Variants in MEP1A observed in about 807,000 individuals in gnomAD.
MEP1A encodes the protein N-benzoyl-L-tyrosyl-P-amino-benzoic acid hydrolase subunit alpha.
Under a neutral mutation model 84.5 loss-of-function variants are expected in MEP1A, and 68 were observed. The ratio of observed to expected loss-of-function variants is 0.80; its 90% CI spans 0.66 to 0.98. The LOEUF (loss-of-function observed/expected upper bound fraction) is 0.98, where lower values mean the gene tolerates loss of function less well. Ranked by LOEUF, MEP1A falls within the 50% of genes least tolerant of loss-of-function variation. The probability of loss-of-function intolerance (pLI) is 0.00; values close to 1 mark genes in which losing one functional copy is unlikely to be tolerated. For synonymous variants in MEP1A, 337 were observed against 336.8 expected (o/e 1.00, Z -0.01); for missense variants, 887 against 919.9 (o/e 0.96, Z 0.46).
chr6:46,796,815 C>T (rs1767058960), intron 3 of MEP1A, among the ~76,000 whole-genome samples: 1 of 152,172 alleles, frequency 6.6e-6, no homozygotes, highest in Non-Finnish European at 1.5e-5. Flanking sequence ...CCCTCAATCC[C>T]ATTATAATCC....
intron 7 of MEP1A, among the ~76,000 whole-genome samples, chr6:46,824,885 TA>T (rs1282243535): frequency 4.6e-4 from 29 of 63,156 alleles, no homozygotes; most frequent in African/African-American, 3.7e-3. Context: ...TATTTAAATA[TA>T]TATAAATTAT....
At chr6:46,805,293 C>T (rs1450315536) in intron 5 of MEP1A, among the ~76,000 whole-genome samples, 1 of 151,892 alleles carries the variant, frequency 6.6e-6, no homozygotes, top group Non-Finnish European at 1.5e-5. Flanking sequence ...GTTTCGTTTA[C>T]TCCATGCCTT....
At chr6:46,821,578 C>T (rs1261903894) in intron 7 of MEP1A, among the ~76,000 whole-genome samples, 3 of 152,168 alleles carry the variant, frequency 2.0e-5, no homozygotes, top group Non-Finnish European at 4.4e-5. Flanking sequence ...TGCCTGTAAG[C>T]CTCAATTTCT....
At chr6:46,812,544 G>C (rs1481982903) in intron 6 of MEP1A, among the ~76,000 whole-genome samples, 1 of 151,700 alleles carries the variant, frequency 6.6e-6, no homozygotes, top group Non-Finnish European at 1.5e-5. Flanking sequence ...CTCCAATTCT[G>C]TGTGGTGTAA....
At chr6:46,828,819 G>C (rs941183990) in intron 9 of MEP1A, among the ~76,000 whole-genome samples, 10 of 152,194 alleles carry the variant, frequency 6.6e-5, no homozygotes, top group Middle Eastern at 6.8e-3. Flanking sequence ...AATGTGTCCT[G>C]AATAGCCCTT....
chr6:46,837,705 G>C (rs527297580), intron 13 of MEP1A, among the ~76,000 whole-genome samples: 31 of 152,142 alleles, frequency 2.0e-4, no homozygotes, highest in Non-Finnish European at 4.3e-4. Context: ...GCTGAGAGTT[G>C]GCAGAATAAG....
Position 46,826,443 on chromosome 6 carries a change from G to GCCCA in MEP1A, c.869_872dup (p.Gln292ProfsTer59). 1 of 1,608,796 alleles carries GCCCA rather than the reference G, an allele frequency of 6.2e-7. No homozygotes were observed. Among genetic ancestry groups the GCCCA allele is most frequent in the Non-Finnish European group, 8.5e-7 (1 of 1,177,516 alleles). ...GGGCACCAGAGATGACACTGACTGG[G>GCCCA]CCCATCAGGACAGTGCTCAGGCTGG... On this transcript the variant is annotated frameshift_variant, in exon 9 of 14. Coordinates refer to ENST00000230588, the MANE Select transcript of MEP1A (RefSeq NM_005588.3). LOFTEE classifies it high-confidence loss of function.
chr6:46,808,841 C>A (rs984160440), intron 5 of MEP1A, among the ~76,000 whole-genome samples: 1 of 152,058 alleles, frequency 6.6e-6, no homozygotes, highest in Non-Finnish European at 1.5e-5. Context: ...TCCCAGGCAT[C>A]TGGCTGGGAA....
chr6:46,836,734 T>G (rs1023242951), intron 13 of MEP1A, among the ~76,000 whole-genome samples: 1 of 152,136 alleles, frequency 6.6e-6, no homozygotes, highest in African/African-American at 2.4e-5. Context: ...TTTGGGACAA[T>G]TCCTCAGTTC....
intron 10 of MEP1A, among the ~76,000 whole-genome samples, chr6:46,832,415 C>A (rs1172411032): frequency 6.6e-6 from 1 of 152,226 alleles, no homozygotes; most frequent in Non-Finnish European, 1.5e-5. Context: ...AGTCCCACTT[C>A]TAGTTCATGC....
rs547751697 is a variant in MEP1A, at chr6:46,833,391, G to A, written c.1462G>A (p.Val488Met). 113 of 1,614,228 alleles carry A rather than the reference G, an allele frequency of 7.0e-5. 1 individual carries two copies. The South Asian group carries it at 1.2e-3, about 16-fold the overall frequency. ...SSGYLRLAFH[V>M]CSGENDAILE... ...TGGTTACTTGAGACTTGCTTTTCAT[G>A]TGTGCAGTGGGGAGAACGATGCTAT... Residue 488 changes from valine (V) to methionine (M), a missense_variant, in exon 11 of 14, where the codon GTG (valine) becomes ATG (methionine). Physicochemically the swap from Val to Met is conservative, Grantham distance 21. Transcript: ENST00000230588.
At chr6:46,816,396 G>A (rs1354697460) in intron 6 of MEP1A, among the ~76,000 whole-genome samples, 2 of 152,150 alleles carry the variant, frequency 1.3e-5, no homozygotes, top group African/African-American at 4.8e-5. Flanking sequence ...GGAGAAATGA[G>A]TATATTGTCT....
downstream of MEP1A, among the ~76,000 whole-genome samples, chr6:46,842,455 T>A (rs532585911): frequency 5.3e-5 from 8 of 152,052 alleles, no homozygotes; most frequent in African/African-American, 1.9e-4. Flanking sequence ...GCTCTGGGAG[T>A]GTCTGTCTTA....
At chr6:46,809,312 G>A (rs1767434462) in intron 5 of MEP1A, 108 bp from the exon 6 acceptor site, 2 of 684,400 alleles carry the variant, frequency 2.9e-6, no homozygotes, top group South Asian at 5.4e-5. Flanking sequence ...ACCCTATCAT[G>A]CACCTCTGTG....
intron 5 of MEP1A, among the ~76,000 whole-genome samples, chr6:46,808,537 C>A (rs935644769): frequency 1.3e-5 from 2 of 152,060 alleles, no homozygotes; most frequent in Non-Finnish European, 2.9e-5. Flanking sequence ...TAGATTCTAA[C>A]CTTCAATGAG....
chr6:46,816,583 A>T (rs949171744), intron 6 of MEP1A, among the ~76,000 whole-genome samples: 1 of 151,796 alleles, frequency 6.6e-6, no homozygotes, highest in African/African-American at 2.4e-5. Flanking sequence ...AGGAAGAAGA[A>T]GGGGAGGAGG....
chr6:46,833,134 G>T lies in MEP1A; in HGVS notation c.1205G>T (p.Arg402Leu), dbSNP rs769871894. The T allele has an allele frequency of 1.9e-6, 3 of 1,556,068 alleles. No homozygotes were observed. The highest frequency in any genetic ancestry group is 2.8e-5 in the African/African-American group (2 of 72,454). Residue 402 changes from arginine (R) to leucine (L), a missense_variant, in exon 11 of 14, where the codon CGC (arginine) becomes CTC (leucine). By Grantham distance (102) the Arg-to-Leu change is moderately radical. Coordinates refer to ENST00000230588, the MANE Select transcript of MEP1A (RefSeq NM_005588.3). ...GTGCTCAAAGAGGAACAGAAGTTTC[G>T]CTACCTTTTCCAGGGCACAAAAGGC... is the stretch of plus-strand genomic sequence containing the variant. ...HVVLKEEQKF[R>L]YLFQGTKGDP...
Position 46,794,969 on chromosome 6 carries a change from T to G in MEP1A, c.145+1253T>G, listed in dbSNP as rs549020410. On this transcript the variant is annotated intron_variant, in intron 3 of 13. Coordinates refer to ENST00000230588, the MANE Select transcript of MEP1A (RefSeq NM_005588.3). ...AATCTCATTACCATGTAAATCTTCT[T>G]TTTAGGCCATTTCAACCAAACCACC... 5.9e-5 allele frequency among the ~76,000 whole-genome samples: 9 copies of G among 152,288 alleles called. No individual in the cohort carries two copies. In the South Asian group the frequency reaches 1.9e-3, roughly 32 times the overall value.
At chr6:46,808,565 T>G (rs1337807159) in intron 5 of MEP1A, among the ~76,000 whole-genome samples, 2 of 152,116 alleles carry the variant, frequency 1.3e-5, no homozygotes, top group Non-Finnish European at 2.9e-5. Context: ...GAGGGTAAAA[T>G]GCACACAAAG....
Sources: gnomAD v4.1 joint callset for allele counts (sites outside exome capture counted in the v4.1 genomes callset) on GRCh38, gnomAD v4.1.1 for gene constraint, MANE v1.5 for transcripts, NCBI Gene and HGNC (gene_info 2026-07-23, HGNC 2026-07-21) for gene names.